Variants in TRIM33 observed in about 807,000 individuals in gnomAD.
TRIM33 encodes tripartite motif containing 33.
Under a neutral mutation model 125.4 loss-of-function variants are expected in TRIM33, and 20 were observed. The observed-to-expected ratio is 0.16, with a 90% CI of 0.11 to 0.23. The LOEUF (loss-of-function observed/expected upper bound fraction) is 0.23, where lower values mean the gene tolerates loss of function less well. Ranked by LOEUF, TRIM33 falls within the 10% of genes least tolerant of loss-of-function variation. The pLI is 1.00. For synonymous variants in TRIM33, 564 were observed against 513.9 expected (o/e 1.10, Z -1.32); for missense variants, 920 against 1,411.4 (o/e 0.65, Z 5.58).
intron 1 of TRIM33, among the ~76,000 whole-genome samples, chr1:114,506,807 C>T (rs1299546589): frequency 3.3e-5 from 5 of 152,184 alleles, no homozygotes; most frequent in African/African-American, 4.8e-5. Flanking sequence ...AATACTCCAA[C>T]GGTAAACAGA....
chr1:114,417,239 T>C (rs1199272439), intron 11 of TRIM33, among the ~76,000 whole-genome samples: 3 of 152,154 alleles, frequency 2.0e-5, no homozygotes, highest in Admixed American at 1.3e-4. Flanking sequence ...ACCATTTCTT[T>C]TGAGGTGATG....
intron 17 of TRIM33, 74 bp from the exon 18 acceptor site, chr1:114,399,683 T>C: frequency 7.8e-7 from 1 of 1,288,262 alleles, no homozygotes; most frequent in East Asian, 2.3e-5. Context: ...ATGCATAGCA[T>C]ATTAATTTTA....
At chr1:114,436,804 C>T (rs541355351) in intron 4 of TRIM33, among the ~76,000 whole-genome samples, 12 of 152,136 alleles carry the variant, frequency 7.9e-5, no homozygotes, top group African/African-American at 2.2e-4. Context: ...ATAGGGGACC[C>T]GAAGTTTGTT....
At chr1:114,441,206 G>A (rs906540442) in intron 4 of TRIM33, among the ~76,000 whole-genome samples, 2 of 152,166 alleles carry the variant, frequency 1.3e-5, no homozygotes, top group African/African-American at 4.8e-5. Context: ...CTACTTGAGA[G>A]GATCACCTTA....
At chr1:114,502,978 C>T (rs79440837) in intron 1 of TRIM33, among the ~76,000 whole-genome samples, 3,923 of 152,154 alleles carry the variant, frequency 0.026, 86 homozygotes, top group Non-Finnish European at 0.034. Context: ...TATGTTGTTT[C>T]TTTGAAGAAT....
chr1:114,445,643 A>C (rs1290152517), intron 4 of TRIM33, among the ~76,000 whole-genome samples: 1 of 152,138 alleles, frequency 6.6e-6, no homozygotes, highest in Admixed American at 6.6e-5. Flanking sequence ...ATATCTAAAA[A>C]CTCCATGGTC....
At chr1:114,489,236 A>T (rs72696017) in intron 1 of TRIM33, among the ~76,000 whole-genome samples, 27 of 152,326 alleles carry the variant, frequency 1.8e-4, no homozygotes, top group African/African-American at 6.5e-4. Context: ...ATCCTTGTGC[A>T]AAAGAATGAA....
intron 4 of TRIM33, among the ~76,000 whole-genome samples, chr1:114,462,360 G>C (rs1650050846): frequency 6.6e-6 from 1 of 152,114 alleles, no homozygotes; most frequent in South Asian, 2.1e-4. Context: ...TTTAAGTGTG[G>C]TTAACCCAAG....
chr1:114,396,066 C>A lies in TRIM33; in HGVS notation c.*1582G>T, dbSNP rs937708216. The A allele has an allele frequency of 1.5e-5, 3 of 200,324 alleles. No individual in the cohort carries two copies. Among genetic ancestry groups the A allele is most frequent in the African/African-American group, 6.9e-5 (3 of 43,454 alleles). The allele number at this position is 200,324 out of a possible 1,614,324, so 12.4% of individuals were successfully genotyped here. On this transcript the variant is annotated 3_prime_UTR_variant, in exon 20 of 20. Transcript: ENST00000358465. ...AAAAAGGCAAATAAATGATTTGCCA[C>A]AAATCTGCTGACTTCTGAAAAATAT...
intron 1 of TRIM33, 52 bp from the exon 2 acceptor site, chr1:114,464,440 T>C (rs1650168857): frequency 9.9e-7 from 1 of 1,011,976 alleles, no homozygotes; most frequent in Non-Finnish European, 1.5e-6. Context: ...ATAAAGAAAT[T>C]GTGCATGATG....
At chr1:114,485,304 G>GAA (rs11405844) in intron 1 of TRIM33, among the ~76,000 whole-genome samples, 5 of 148,228 alleles carry the variant, frequency 3.4e-5, no homozygotes, top group South Asian at 2.1e-4. Context: ...TAAAAATACT[G>GAA]AAAAAAAAAA....
chr1:114,497,694 C>T (rs1652453877), intron 1 of TRIM33, among the ~76,000 whole-genome samples: 1 of 152,040 alleles, frequency 6.6e-6, no homozygotes, highest in African/African-American at 2.4e-5. Flanking sequence ...CAAAACCATA[C>T]AGTTGACTGT....
chr1:114,409,438 TCTTA>T (rs1299420737), intron 12 of TRIM33, among the ~76,000 whole-genome samples: 19 of 152,202 alleles, frequency 1.2e-4, no homozygotes, highest in Non-Finnish European at 2.1e-4. Context: ...CTTCTTTAGC[TCTTA>T]CTTTTTAAAT....
intron 11 of TRIM33, among the ~76,000 whole-genome samples, chr1:114,411,045 T>C (rs1652550390): frequency 6.6e-6 from 1 of 152,106 alleles, no homozygotes; most frequent in Admixed American, 6.5e-5. Flanking sequence ...ATATTCTTCT[T>C]TTATTTATTT....
At chr1:114,430,170 A>T (rs1323588382) in intron 6 of TRIM33, among the ~76,000 whole-genome samples, 2 of 152,134 alleles carry the variant, frequency 1.3e-5, no homozygotes, top group Non-Finnish European at 1.5e-5. Context: ...CCCCATCTTA[A>T]GGGGGTGGGG....
Position 114,510,984 on chromosome 1 carries a change from C to A in TRIM33, c.93G>T (p.Ala31=), listed in dbSNP as rs2101599095. The change falls in exon 1 of 20, where the codon GCG becomes GCT. Residue 31 remains alanine, a synonymous_variant. Coordinates refer to ENST00000358465, the MANE Select transcript of TRIM33 (RefSeq NM_015906.4). ...CGGTGAGAGGCGGCTCCGCCTCCTG[C>A]GCGGCGGGCCCGGCGGCCCCGGCAG... ...PVTAGAAGPA[A]QEAEPPLTAV... The A allele has an allele frequency of 7.4e-7, 1 of 1,344,450 alleles. No individual in the cohort carries two copies. The highest frequency in any genetic ancestry group is 9.5e-7 in the Non-Finnish European group (1 of 1,049,750). The allele number at this position is 1,344,450 out of a possible 1,614,324, so 83.3% of individuals were successfully genotyped here. A position where few individuals can be genotyped will look rare whatever the true frequency, so the allele number is the denominator to read the frequency against.
At chr1:114,423,441 C>T (rs755452279) in intron 10 of TRIM33, among the ~76,000 whole-genome samples, 2 of 152,010 alleles carry the variant, frequency 1.3e-5, no homozygotes, top group Non-Finnish European at 2.9e-5. Context: ...GTTTTTTTAA[C>T]TTTATAGCAT....
chr1:114,429,133 C>T (rs1647776028), intron 6 of TRIM33, among the ~76,000 whole-genome samples: 1 of 151,838 alleles, frequency 6.6e-6, no homozygotes, highest in Non-Finnish European at 1.5e-5. Context: ...TTAAATGCAA[C>T]AGACTGGTGT....
intron 1 of TRIM33, among the ~76,000 whole-genome samples, chr1:114,474,299 G>A (rs952272474): frequency 2.6e-5 from 4 of 151,758 alleles, no homozygotes; most frequent in South Asian, 4.2e-4. Flanking sequence ...GTCTTGGTGC[G>A]GTGGCTCACA....
Sources: gnomAD v4.1 joint callset for allele counts (sites outside exome capture counted in the v4.1 genomes callset) on GRCh38, gnomAD v4.1.1 for gene constraint, MANE v1.5 for transcripts, NCBI Gene and HGNC (gene_info 2026-07-23, HGNC 2026-07-21) for gene names.